The following TMEM50B variants were observed in gnomAD, a reference collection of about 807,000 sequenced individuals.
The protein encoded by TMEM50B is HCV p7-trans-regulated protein 3.
Under a neutral mutation model 23.4 loss-of-function variants are expected in TMEM50B, and 14 were observed. That is an observed-to-expected ratio of 0.60 (90% CI 0.39 to 0.93). TMEM50B has a LOEUF of 0.93. Among genes scored for constraint, TMEM50B ranks in the 40% least tolerant of loss-of-function variants. TMEM50B has a pLI of 0.00. For synonymous variants in TMEM50B, 64 were observed against 62.3 expected (o/e 1.03, Z -0.13); for missense variants, 159 against 193.0 (o/e 0.82, Z 1.04).
In TMEM50B at chr21:33,450,790, A is replaced by G. The variant is rs1393325781; in HGVS notation, c.*28T>C. 1.9e-6 allele frequency: 3 copies of G among 1,600,966 alleles called. No homozygotes were observed. Among genetic ancestry groups the G allele is most frequent in the Non-Finnish European group, 2.6e-6 (3 of 1,172,262 alleles). ...ACCTATCTACAAACAGAATATAACA[A>G]AAGGAAAATGTGACTTAAGAAGTGA... is the stretch of plus-strand genomic sequence containing the variant. On this transcript the variant is annotated 3_prime_UTR_variant, in exon 7 of 7. Coordinates refer to ENST00000542230, the MANE Select transcript of TMEM50B (RefSeq NM_006134.7).
At chr21:33,466,971 GA>G in intron 3 of TMEM50B, 38 bp downstream of exon 3, 1 of 1,557,800 alleles carries the variant, frequency 6.4e-7, no homozygotes, top group East Asian at 2.2e-5. Context: ...AGTATTTTTA[GA>G]AAAATCACCT....
downstream of TMEM50B, among the ~76,000 whole-genome samples, chr21:33,446,233 ATTT>A (rs371517472): frequency 3.3e-4 from 47 of 142,120 alleles, no homozygotes; most frequent in African/African-American, 1.1e-3. Context: ...TATTTTTTTT[ATTT>A]TTTATTTTTT....
At chr21:33,468,558 T>G in intron 2 of TMEM50B, 1 of 442,880 alleles carries the variant, frequency 2.3e-6, no homozygotes, top group East Asian at 3.5e-5. Flanking sequence ...AATTATATTA[T>G]CACTGGAACT....
intron 5 of TMEM50B, among the ~76,000 whole-genome samples, chr21:33,458,320 C>A (rs1451707452): frequency 6.6e-6 from 1 of 152,126 alleles, no homozygotes. Flanking sequence ...TCGAGACCAG[C>A]CTGACCAATA....
At chr21:33,473,955 A>G (rs2084342746) in intron 1 of TMEM50B, among the ~76,000 whole-genome samples, 1 of 152,224 alleles carries the variant, frequency 6.6e-6, no homozygotes, top group African/African-American at 2.4e-5. Context: ...TTCCATTTAC[A>G]AGAAACATCC....
intron 4 of TMEM50B, among the ~76,000 whole-genome samples, chr21:33,464,451 C>A (rs978457363): frequency 2.7e-5 from 4 of 149,796 alleles, no homozygotes; most frequent in Non-Finnish European, 1.5e-5. Context: ...CCACCCGTCT[C>A]AGCCTCCCAA....
intron 4 of TMEM50B, among the ~76,000 whole-genome samples, chr21:33,464,427 T>C (rs2084245572): frequency 6.7e-6 from 1 of 148,416 alleles, no homozygotes; most frequent in Non-Finnish European, 1.5e-5. Context: ...CTCGAACTCC[T>C]GACCTTAGGT....
At chr21:33,461,917 T>C (rs2084220475) in intron 4 of TMEM50B, among the ~76,000 whole-genome samples, 1 of 152,090 alleles carries the variant, frequency 6.6e-6, no homozygotes, top group African/African-American at 2.4e-5. Context: ...AAAGTAAGTA[T>C]GTCTGAGGGC....
At chr21:33,467,848 A>G (rs2084278169) in intron 2 of TMEM50B, among the ~76,000 whole-genome samples, 1 of 152,058 alleles carries the variant, frequency 6.6e-6, no homozygotes, top group Non-Finnish European at 1.5e-5. Flanking sequence ...ATTGAAAGAG[A>G]TGAATTTTTA....
chr21:33,461,392 T>C (rs1264336134), intron 4 of TMEM50B, among the ~76,000 whole-genome samples: 1 of 152,198 alleles, frequency 6.6e-6, no homozygotes, highest in East Asian at 1.9e-4. Flanking sequence ...CTAAATTTTA[T>C]TACAATACTA....
At chr21:33,457,752 T>C (rs1365688565) in intron 5 of TMEM50B, among the ~76,000 whole-genome samples, 3 of 152,140 alleles carry the variant, frequency 2.0e-5, no homozygotes, top group Non-Finnish European at 2.9e-5. Context: ...ATTTTCACTA[T>C]AGAAACTGTA....
chr21:33,432,887 TCTC>T (rs780113680), intron 8 of TMEM50B: 2 of 1,396,976 alleles, frequency 1.4e-6, no homozygotes, highest in South Asian at 1.2e-5. Flanking sequence ...TGTGCACACA[TCTC>T]TTTTTTTTTT....
At chr21:33,469,327 T>C (rs541097946) in intron 1 of TMEM50B, among the ~76,000 whole-genome samples, 12 of 152,172 alleles carry the variant, frequency 7.9e-5, no homozygotes, top group Non-Finnish European at 1.3e-4. Context: ...GGCACATGCC[T>C]GTAATCACAG....
intron 1 of TMEM50B, among the ~76,000 whole-genome samples, chr21:33,475,087 C>T (rs118022807): frequency 2.0e-5 from 3 of 151,088 alleles, no homozygotes; most frequent in African/African-American, 7.3e-5. Flanking sequence ...CCACCACGAC[C>T]GGCTAATTTT....
At chr21:33,462,253 T>C (rs867010104) in intron 4 of TMEM50B, among the ~76,000 whole-genome samples, 16 of 152,120 alleles carry the variant, frequency 1.1e-4, no homozygotes, top group Admixed American at 6.6e-4. Context: ...AGCTTAAGAG[T>C]AGCAATACCT....
downstream of TMEM50B, among the ~76,000 whole-genome samples, chr21:33,447,713 C>CACACAT (rs1180270188): frequency 3.4e-5 from 4 of 116,748 alleles, no homozygotes; most frequent in Non-Finnish European, 6.7e-5. Flanking sequence ...CACACACACA[C>CACACAT]ACACACATAT....
At chr21:33,465,277 G>T in intron 4 of TMEM50B, 65 bp downstream of exon 4, 2 of 1,212,610 alleles carry the variant, frequency 1.6e-6, no homozygotes, top group Non-Finnish European at 2.4e-6. Flanking sequence ...TCACAAGAGA[G>T]GCTTTTTTTC....
At position 33,476,957 on chromosome 21, in the gene TMEM50B, T is replaced by C. The variant is rs1376240089; in HGVS notation, c.-42+2881A>G. ...TGTCCATCAATAAGGAACCAAAAAA[T>C]GTATATTAGGGTACATCCAAACAAC... is the stretch of plus-strand genomic sequence containing the variant. On this transcript the variant is annotated intron_variant, in intron 1 of 6. Coordinates refer to ENST00000542230, the MANE Select transcript of TMEM50B (RefSeq NM_006134.7). Among the ~76,000 whole-genome samples the C allele has an allele frequency of 4.6e-5, 7 of 151,862 alleles. No homozygotes were observed. In the East Asian group the frequency reaches 1.4e-3, roughly 29 times the overall value.
chr21:33,479,071 C>T lies in TMEM50B; in HGVS notation c.-42+767G>A, dbSNP rs889651920. The stretch of plus-strand genomic sequence containing the variant: ...CAGCGGGGAGCAGCCCAGCCTAGCC[C>T]GTCTCACTGCTTTGGTTTTGAAAGG... On this transcript the variant is annotated intron_variant, in intron 1 of 6. Transcript: ENST00000542230. 3.3e-5 allele frequency: 10 copies of T among 301,558 alleles called. No homozygotes were observed. The East Asian group carries it at 9.3e-4, about 28-fold the overall frequency. The allele number at this position is 301,558 out of a possible 1,614,324, so 18.7% of individuals were successfully genotyped here.
Sources: allele counts gnomAD v4.1 joint callset (sites outside exome capture counted in the v4.1 genomes callset), GRCh38; gene constraint gnomAD v4.1.1; transcripts MANE v1.5; gene names NCBI Gene and HGNC (gene_info 2026-07-23, HGNC 2026-07-21).